The following STMN2 variants were observed in gnomAD, a reference collection of about 807,000 sequenced individuals.
The protein encoded by STMN2 is stathmin-2.
A neutral mutation model predicts 24.1 loss-of-function variants in STMN2; 2 were observed. That is an observed-to-expected ratio of 0.08 (90% CI 0.03 to 0.26). The LOEUF (loss-of-function observed/expected upper bound fraction) is 0.26. Ranked by LOEUF, STMN2 falls within the 10% of genes least tolerant of loss-of-function variation. The probability of loss-of-function intolerance (pLI) is 1.00; values close to 1 mark genes in which losing one functional copy is unlikely to be tolerated. For synonymous variants in STMN2, 83 were observed against 77.5 expected (o/e 1.07, Z -0.37); for missense variants, 114 against 213.6 (o/e 0.53, Z 2.91).
rs192755545 is a variant in STMN2 at position 79,653,963 on chromosome 8, C to A, written c.289-908C>A. On this transcript the variant is annotated intron_variant, in intron 3 of 4. Transcript: ENST00000220876. ...GTCACAAACAGAGGTAAGACTTGAA[C>A]ACAGGCCTGACATCAAAGCCCATGC... 2.0e-4 allele frequency among the ~76,000 whole-genome samples: 30 copies of A among 152,272 alleles called. No homozygotes were observed. In the East Asian group the frequency reaches 5.8e-3, roughly 29 times the overall value.
At chr8:79,627,338 C>T (rs969032075) in intron 1 of STMN2, among the ~76,000 whole-genome samples, 7 of 152,054 alleles carry the variant, frequency 4.6e-5, no homozygotes, top group African/African-American at 1.4e-4. Flanking sequence ...TCTATTTTTG[C>T]CTTAATTTTT....
chr8:79,662,024 T>C (rs1333280113), intron 4 of STMN2, among the ~76,000 whole-genome samples: 1 of 152,132 alleles, frequency 6.6e-6, no homozygotes, highest in African/African-American at 2.4e-5. Context: ...TCCTTGTTTA[T>C]ATTTGATACC....
chr8:79,658,742 T>C (rs993789455), intron 4 of STMN2, among the ~76,000 whole-genome samples: 1 of 152,202 alleles, frequency 6.6e-6, no homozygotes, highest in Non-Finnish European at 1.5e-5. Context: ...TCAAGCATAT[T>C]TTCACCATGA....
At chr8:79,611,996 T>C (rs1049763616) in intron 1 of STMN2, among the ~76,000 whole-genome samples, 11 of 151,682 alleles carry the variant, frequency 7.3e-5, no homozygotes, top group Admixed American at 2.6e-4. Flanking sequence ...GGACCAGCGG[T>C]CCCGGGGGGA....
chr8:79,615,526 AGCC>A (rs1563431804), intron 1 of STMN2, among the ~76,000 whole-genome samples: 1 of 152,220 alleles, frequency 6.6e-6, no homozygotes, highest in Non-Finnish European at 1.5e-5. Flanking sequence ...ATACTGAACT[AGCC>A]AGTGACCCAG....
intron 1 of STMN2, among the ~76,000 whole-genome samples, chr8:79,621,130 C>G (rs746441369): frequency 1.7e-4 from 26 of 151,842 alleles, no homozygotes; most frequent in Non-Finnish European, 3.2e-4. Context: ...AGAAGGGATT[C>G]TGAGTTTCAG....
At chr8:79,639,214 TAGAG>T (rs1810037322) in intron 2 of STMN2, among the ~76,000 whole-genome samples, 1 of 152,200 alleles carries the variant, frequency 6.6e-6, no homozygotes, top group African/African-American at 2.4e-5. Flanking sequence ...GTTAATAAAT[TAGAG>T]AGCACTTAGA....
chr8:79,638,078 G>T (rs60616775), intron 2 of STMN2, among the ~76,000 whole-genome samples: 6,359 of 152,312 alleles, frequency 0.042, 194 homozygotes, highest in East Asian at 0.16. Flanking sequence ...AAATTAGACA[G>T]ACCTTTATTA....
chr8:79,614,346 T>C (rs899154640), intron 1 of STMN2, among the ~76,000 whole-genome samples: 1 of 152,208 alleles, frequency 6.6e-6, no homozygotes, highest in Non-Finnish European at 1.5e-5. Flanking sequence ...CATATAATAT[T>C]CCCCATTATC....
chr8:79,633,546 G>T (rs910209199), intron 1 of STMN2, among the ~76,000 whole-genome samples: 3 of 152,208 alleles, frequency 2.0e-5, no homozygotes, highest in African/African-American at 7.2e-5. Context: ...TCTGAGATCA[G>T]GCCGCCAGAA....
intron 4 of STMN2, 99 bp downstream of exon 4, chr8:79,655,161 CT>C (rs1447713227): frequency 7.0e-7 from 1 of 1,435,184 alleles, no homozygotes; most frequent in Non-Finnish European, 9.4e-7. Flanking sequence ...TCAAAATTTG[CT>C]GCAGGTGTGA....
At chr8:79,636,773 A>T in intron 1 of STMN2, 29 bp from the exon 2 acceptor site, 1 of 1,595,870 alleles carries the variant, frequency 6.3e-7, no homozygotes. Context: ...AAAAAATGAA[A>T]TATACTAATC....
At chr8:79,611,286 G>A (rs1809213700) in intron 1 of STMN2, 72 bp downstream of exon 1, 9 of 1,574,604 alleles carry the variant, frequency 5.7e-6, no homozygotes, top group Non-Finnish European at 7.8e-6. Flanking sequence ...TTGAGCTCTA[G>A]AAGCATTCAG....
intron 1 of STMN2, among the ~76,000 whole-genome samples, chr8:79,618,513 T>C (rs1237479865): frequency 6.6e-6 from 1 of 152,236 alleles, no homozygotes; most frequent in African/African-American, 2.4e-5. Context: ...CATTCACATT[T>C]AATATAACTA....
chr8:79,659,560 G>T (rs983466119), intron 4 of STMN2, among the ~76,000 whole-genome samples: 2 of 152,084 alleles, frequency 1.3e-5, no homozygotes, highest in Non-Finnish European at 2.9e-5. Flanking sequence ...TAGTAGGAGC[G>T]CCAAATGACC....
chr8:79,626,346 G>T (rs144258510), intron 1 of STMN2, among the ~76,000 whole-genome samples: 9 of 152,332 alleles, frequency 5.9e-5, no homozygotes, highest in African/African-American at 2.2e-4. Flanking sequence ...CTATTGTGAA[G>T]TTTGCCTTTT....
chr8:79,641,615 GGCACACATGCAC>G, intron 3 of STMN2, 65 bp downstream of exon 3: 1 of 884,568 alleles, frequency 1.1e-6, no homozygotes, highest in Non-Finnish European at 1.6e-6. Flanking sequence ...CACACACTCG[GGCACACATGCAC>G]GCACACACAC....
chr8:79,622,572 G>A (rs768331070), intron 1 of STMN2, among the ~76,000 whole-genome samples: 12 of 152,094 alleles, frequency 7.9e-5, no homozygotes, highest in Non-Finnish European at 1.6e-4. Context: ...TAATAGTTAA[G>A]CATTTTATCT....
chr8:79,653,824 T>C (rs2130383632), intron 3 of STMN2, among the ~76,000 whole-genome samples: 1 of 152,214 alleles, frequency 6.6e-6, no homozygotes, highest in South Asian at 2.1e-4. Context: ...AAGCCATGAG[T>C]GTGTAATAAT....
Sources: allele counts gnomAD v4.1 joint callset (sites outside exome capture counted in the v4.1 genomes callset), GRCh38; gene constraint gnomAD v4.1.1; transcripts MANE v1.5; gene names NCBI Gene and HGNC (gene_info 2026-07-23, HGNC 2026-07-21).